The following LRIF1 variants were observed in gnomAD, a reference collection of about 807,000 sequenced individuals.
The protein encoded by LRIF1 is ligand dependent nuclear receptor interacting factor 1.
In LRIF1, 32 loss-of-function variants were observed where a neutral mutation model predicts 52.7. The ratio of observed to expected loss-of-function variants is 0.61; its 90% CI spans 0.46 to 0.82. The LOEUF is 0.82. LRIF1 is among the 40% of genes least tolerant of loss of function. The probability of loss-of-function intolerance (pLI) is 0.00; values close to 1 mark genes in which losing one functional copy is unlikely to be tolerated. For missense variants in LRIF1, 887 were observed against 892.0 expected, an observed-to-expected ratio of 0.99 and a Z score of 0.07; for synonymous variants, 323 against 317.4, an observed-to-expected ratio of 1.02 and a Z score of -0.19.
At chr1:110,938,946 T>C in the LRIF1 span, 2 of 119,490 alleles carry the variant, frequency 1.7e-5, no homozygotes, top group Non-Finnish European at 1.7e-5. Flanking sequence ...AGTAATCCCA[T>C]TTACGATAGC....
At position 110,957,717 on chromosome 1, in the gene LRIF1, C is replaced by T. The variant is rs74120609; in HGVS notation, c.69-4902G>A. ...ATCCTACCATTCAATCATATGGCAGCGCCAATATTTTCCACATCATATAGG... is the reference window on the plus strand; with the variant it reads ...ATCCTACCATTCAATCATATGGCAGTGCCAATATTTTCCACATCATATAGG... On this transcript the variant is annotated intron_variant, in intron 1 of 3. Coordinates refer to ENST00000369763, the MANE Select transcript of LRIF1 (RefSeq NM_018372.4). Among the ~76,000 whole-genome samples, 407 of 152,268 alleles carry T rather than the reference C, an allele frequency of 2.7e-3. 2 individuals are homozygous for T. Among genetic ancestry groups the T allele is most frequent in the African/African-American group, 9.2e-3 (383 of 41,550 alleles).
chr1:110,898,075 T>C, the LRIF1 span, among the ~76,000 whole-genome samples: 58 of 152,220 alleles, frequency 3.8e-4, no homozygotes, highest in African/African-American at 1.4e-3. Context: ...ATATAGAAAA[T>C]GTGCTATAAG....
At chr1:110,908,889 C>T in the LRIF1 span, among the ~76,000 whole-genome samples, 22 of 152,144 alleles carry the variant, frequency 1.4e-4, no homozygotes, top group Middle Eastern at 3.4e-3. Flanking sequence ...TTCAGAGAAC[C>T]CCTGTAAGAT....
the LRIF1 span, among the ~76,000 whole-genome samples, chr1:110,887,945 G>A: frequency 6.6e-5 from 10 of 152,210 alleles, no homozygotes; most frequent in African/African-American, 9.7e-5. Flanking sequence ...GAAATGGGGT[G>A]ATTATCCTGG....
intron 1 of LRIF1, among the ~76,000 whole-genome samples, chr1:110,960,317 G>C (rs906962268): frequency 6.6e-6 from 1 of 152,070 alleles, no homozygotes; most frequent in African/African-American, 2.4e-5. Context: ...TAGTATGTGT[G>C]TCTGTCTCTC....
At chr1:110,929,990 T>C in the LRIF1 span, among the ~76,000 whole-genome samples, 1 of 152,314 alleles carries the variant, frequency 6.6e-6, no homozygotes, top group African/African-American at 2.4e-5. Context: ...AAGCTGTACA[T>C]GTACCCCTGC....
the LRIF1 span, among the ~76,000 whole-genome samples, chr1:110,887,968 G>A: frequency 6.6e-6 from 1 of 152,178 alleles, no homozygotes; most frequent in Non-Finnish European, 1.5e-5. Context: ...TAGCCAGGTG[G>A]TTCTTATCTA....
chr1:110,951,149 A>T, intron 2 of LRIF1, 139 bp downstream of exon 2: 2 of 676,334 alleles, frequency 3.0e-6, no homozygotes, highest in Non-Finnish European at 4.8e-6. Context: ...GTTTTGACTT[A>T]AATACTCATA....
chr1:110,929,012 T>C, the LRIF1 span, among the ~76,000 whole-genome samples: 2 of 152,182 alleles, frequency 1.3e-5, no homozygotes, highest in Non-Finnish European at 2.9e-5. Flanking sequence ...ATTTTATACC[T>C]ACATAAAAAT....
the LRIF1 span, chr1:110,939,314 C>T: frequency 7.1e-6 from 1 of 140,220 alleles, no homozygotes; most frequent in African/African-American, 2.6e-5. Flanking sequence ...GGAGGCGGAG[C>T]TTGCAGTGAG....
the LRIF1 span, among the ~76,000 whole-genome samples, chr1:110,891,796 G>A: frequency 6.6e-6 from 1 of 152,116 alleles, no homozygotes. Flanking sequence ...TGTTTTTCTT[G>A]TCTTTTTTTC....
chr1:110,887,469 C>CA, the LRIF1 span, among the ~76,000 whole-genome samples: 1 of 152,210 alleles, frequency 6.6e-6, no homozygotes, highest in Non-Finnish European at 1.5e-5. Context: ...TTGCTTCTTG[C>CA]ATGCCTGATA....
the LRIF1 span, among the ~76,000 whole-genome samples, chr1:110,877,160 C>T: frequency 6.6e-6 from 1 of 152,192 alleles, no homozygotes; most frequent in Admixed American, 6.5e-5. Flanking sequence ...TAGTCTGGAA[C>T]ACTTCCTGAA....
the LRIF1 span, among the ~76,000 whole-genome samples, chr1:110,907,476 G>A: frequency 2.0e-5 from 3 of 152,078 alleles, no homozygotes; most frequent in Admixed American, 2.0e-4. Context: ...TGAGCCAGGC[G>A]CGGTGGCTCA....
chr1:110,908,041 T>G, the LRIF1 span, among the ~76,000 whole-genome samples: 1 of 152,192 alleles, frequency 6.6e-6, no homozygotes, highest in Non-Finnish European at 1.5e-5. Context: ...ACGGTGACCT[T>G]TCAGAGAGAT....
At chr1:110,932,767 C>A in the LRIF1 span, among the ~76,000 whole-genome samples, 3 of 152,132 alleles carry the variant, frequency 2.0e-5, no homozygotes, top group African/African-American at 7.2e-5. Flanking sequence ...AACTTTTGCC[C>A]ACTCATTTTA....
chr1:110,895,126 T>A, the LRIF1 span: 1 of 1,127,984 alleles, frequency 8.9e-7, no homozygotes. Context: ...TGGGGGCTAG[T>A]TCCTTTTTCT....
the LRIF1 span, among the ~76,000 whole-genome samples, chr1:110,911,541 A>T: frequency 6.6e-6 from 1 of 152,210 alleles, no homozygotes; most frequent in African/African-American, 2.4e-5. Flanking sequence ...CCTGGCAAAG[A>T]TAAAAAGAAA....
At chr1:110,934,383 C>G in the LRIF1 span, among the ~76,000 whole-genome samples, 1 of 152,322 alleles carries the variant, frequency 6.6e-6, no homozygotes, top group East Asian at 1.9e-4. Context: ...AAGAACCAAG[C>G]ATGCTCTTGG....
Sources: allele counts gnomAD v4.1 joint callset (sites outside exome capture counted in the v4.1 genomes callset), GRCh38; gene constraint gnomAD v4.1.1; transcripts MANE v1.5; gene names NCBI Gene and HGNC (gene_info 2026-07-23, HGNC 2026-07-21).